Variants in KDM4C observed in about 807,000 individuals in gnomAD.
KDM4C encodes the protein lysine demethylase 4C, also known as lysine-specific demethylase 4C.
KDM4C carries 81 observed loss-of-function variants against 129.3 expected under a neutral mutation model. That is an observed-to-expected ratio of 0.63 (90% confidence interval 0.52 to 0.75). KDM4C has a LOEUF of 0.75. Ranked by LOEUF, KDM4C falls within the 30% of genes least tolerant of loss-of-function variation. The probability of loss-of-function intolerance (pLI) is 0.00; values close to 1 mark genes in which losing one functional copy is unlikely to be tolerated. For synonymous variants in KDM4C, 573 were observed against 456.1 expected, an observed-to-expected ratio of 1.26 and a Z score of -3.26; for missense variants, 1,457 against 1,304.0, an observed-to-expected ratio of 1.12 and a Z score of -1.81.
intron 1 of KDM4C, among the ~76,000 whole-genome samples, chr9:6,771,772 T>G (rs939993991): frequency 1.3e-4 from 20 of 152,212 alleles, no homozygotes; most frequent in Non-Finnish European, 2.6e-4. Flanking sequence ...CACAGCTGGG[T>G]GCAGGGGCAG....
intron 15 of KDM4C, among the ~76,000 whole-genome samples, chr9:7,019,705 T>TTATATATAAAAATATAATATTTA (rs1563992778): frequency 1.9e-5 from 2 of 105,562 alleles, no homozygotes; most frequent in African/African-American, 8.7e-5. Flanking sequence ...TATAATATTT[T>TTATATATAAAAATATAATATTTA]TATATATAAA....
chr9:6,952,964 C>A (rs1019128154), intron 8 of KDM4C, among the ~76,000 whole-genome samples: 1 of 152,070 alleles, frequency 6.6e-6, no homozygotes, highest in African/African-American at 2.4e-5. Flanking sequence ...CTTTAAATGA[C>A]TGGTACTTGC....
At chr9:6,889,883 A>G (rs113306375) in intron 7 of KDM4C, among the ~76,000 whole-genome samples, 5 of 152,250 alleles carry the variant, frequency 3.3e-5, no homozygotes, top group African/African-American at 1.2e-4. Flanking sequence ...TCTTTTCTAG[A>G]GGTGCCTGGC....
chr9:7,050,343 C>G (rs1429622940), intron 17 of KDM4C, among the ~76,000 whole-genome samples: 1 of 146,962 alleles, frequency 6.8e-6, no homozygotes, highest in African/African-American at 2.5e-5. Flanking sequence ...AAATGGCCCT[C>G]TAAAGGTCAC....
chr9:7,106,999 A>C (rs760482230), intron 18 of KDM4C, among the ~76,000 whole-genome samples: 8 of 152,192 alleles, frequency 5.3e-5, no homozygotes, highest in Non-Finnish European at 8.8e-5. Flanking sequence ...CAGGAAGTAC[A>C]CAGCTGATCC....
intron 21 of KDM4C, chr9:7,170,400 G>C (rs1014017415): frequency 4.6e-5 from 46 of 993,578 alleles, no homozygotes; most frequent in Non-Finnish European, 5.3e-5. Context: ...CATAATAAAA[G>C]GGATAAACAA....
At chr9:6,814,504 A>T in intron 3 of KDM4C, 127 bp from the exon 4 acceptor site, 2 of 548,898 alleles carry the variant, frequency 3.6e-6, no homozygotes. Flanking sequence ...ACTTGTTAGA[A>T]TTGACAACAT....
rs146683095 is a variant in KDM4C, at chr9:7,038,105, G to A, written c.2260-8757G>A. On this transcript the variant is annotated intron_variant, in intron 15 of 21. Coordinates refer to ENST00000381309, the MANE Select transcript of KDM4C (RefSeq NM_015061.6). Reference sequence around the variant, plus strand: ...GAGTCTGGAAGAGATCATAGGTGCCGTTTTAAATTTTCATCTAATTAAAAG... The same window carrying A: ...GAGTCTGGAAGAGATCATAGGTGCCATTTTAAATTTTCATCTAATTAAAAG... Among the ~76,000 whole-genome samples, 15 of 152,106 alleles carry A rather than the reference G, an allele frequency of 9.9e-5. No individual in the cohort carries two copies. The East Asian group carries it at 1.5e-3, about 16-fold the overall frequency.
At chr9:7,024,893 C>G (rs1825543971) in intron 15 of KDM4C, among the ~76,000 whole-genome samples, 1 of 152,102 alleles carries the variant, frequency 6.6e-6, no homozygotes, top group Non-Finnish European at 1.5e-5. Flanking sequence ...GTTCTAGATC[C>G]CTGAGGAATC....
chr9:7,104,157 C>G, intron 18 of KDM4C: 2 of 372,060 alleles, frequency 5.4e-6, no homozygotes, highest in East Asian at 1.1e-4. Context: ...GGTGTTGGAT[C>G]TGTACACAGG....
chr9:7,146,363 C>G (rs1006749793), intron 19 of KDM4C, among the ~76,000 whole-genome samples: 2 of 151,954 alleles, frequency 1.3e-5, no homozygotes, highest in African/African-American at 4.8e-5. Context: ...AGATCTTAAC[C>G]CTTCTGAGAA....
At chr9:7,173,398 C>G (rs1017877356) in intron 21 of KDM4C, among the ~76,000 whole-genome samples, 3 of 152,176 alleles carry the variant, frequency 2.0e-5, no homozygotes, top group South Asian at 2.1e-4. Flanking sequence ...TTATGTAGGT[C>G]TAGCCTGGGG....
At chr9:6,970,010 G>T (rs1402658539) in intron 8 of KDM4C, among the ~76,000 whole-genome samples, 1 of 152,172 alleles carries the variant, frequency 6.6e-6, no homozygotes. Flanking sequence ...TGGGCCATGT[G>T]CCCATCTCTG....
intron 19 of KDM4C, among the ~76,000 whole-genome samples, chr9:7,162,846 G>T (rs1267890641): frequency 1.3e-5 from 2 of 152,094 alleles, no homozygotes; most frequent in Middle Eastern, 3.2e-3. Flanking sequence ...ACTTGCCTCT[G>T]TTGGGATTCG....
intron 15 of KDM4C, among the ~76,000 whole-genome samples, chr9:7,019,701 A>ATTTTTATATATAAAAATATAATAT (rs1443691085): frequency 9.6e-6 from 1 of 104,200 alleles, no homozygotes; most frequent in Non-Finnish European, 1.8e-5. Flanking sequence ...AAAATATAAT[A>ATTTTTATATATAAAAATATAATAT]TTTTTATATA....
intron 8 of KDM4C, among the ~76,000 whole-genome samples, chr9:6,975,652 A>C (rs1393791703): frequency 6.6e-6 from 1 of 152,210 alleles, no homozygotes; most frequent in African/African-American, 2.4e-5. Flanking sequence ...TAAGACAGAC[A>C]CTGTGTGTAG....
At chr9:6,795,758 A>G (rs1341103030) in intron 2 of KDM4C, among the ~76,000 whole-genome samples, 3 of 150,682 alleles carry the variant, frequency 2.0e-5, no homozygotes, top group Non-Finnish European at 4.4e-5. Context: ...TGCAGTCTGG[A>G]CCTTCCAGGT....
chr9:6,799,881 A>G, intron 2 of KDM4C, among the ~76,000 whole-genome samples: 1 of 151,986 alleles, frequency 6.6e-6, no homozygotes, highest in East Asian at 1.9e-4. Context: ...ATATGAATGT[A>G]GTAAGGTTAT....
chr9:7,062,102 G>C (rs1317406799), intron 17 of KDM4C, among the ~76,000 whole-genome samples: 1 of 152,000 alleles, frequency 6.6e-6, no homozygotes, highest in African/African-American at 2.4e-5. Flanking sequence ...CAAGTAGCTG[G>C]GACTACAGGT....
Sources: allele counts gnomAD v4.1 joint callset (sites outside exome capture counted in the v4.1 genomes callset), GRCh38; gene constraint gnomAD v4.1.1; transcripts MANE v1.5; gene names NCBI Gene and HGNC (gene_info 2026-07-23, HGNC 2026-07-21).